Variants in WDFY4 observed in about 807,000 individuals in gnomAD.
WDFY4 encodes WDFY family member 4, also known as WD repeat- and FYVE domain-containing protein 4.
A neutral mutation model predicts 351.9 loss-of-function variants in WDFY4; 169 were observed. The observed-to-expected ratio is 0.48, with a 90% confidence interval of 0.42 to 0.55. The LOEUF is 0.55. WDFY4 is among the 20% of genes least tolerant of loss of function. The pLI is 0.00. For missense variants in WDFY4, 3,803 were observed against 3,935.6 expected, an observed-to-expected ratio of 0.97 and a Z score of 0.90; for synonymous variants, 1,622 against 1,574.6, an observed-to-expected ratio of 1.03 and a Z score of -0.71.
At position 48,723,482 on chromosome 10, in the gene WDFY4, A is replaced by G. The variant is rs1231622084; in HGVS notation, c.506A>G (p.Gln169Arg). The G allele has an allele frequency of 4.5e-6, 7 of 1,550,990 alleles. No homozygotes were observed. The African/African-American group carries it at 6.8e-5, about 15-fold the overall frequency. The change falls in exon 5 of 62, where the codon CAG (glutamine) becomes CGG (arginine). Residue 169 changes from glutamine (Q) to arginine (R), a missense_variant. Gln to Arg is a conservative substitution (Grantham distance 43). This residue lies in a region of WDFY4 where 488 missense variants were observed against 456.8 expected (regional missense o/e 1.07). Transcript: ENST00000325239. ...AESGLPALLLQCLYLFFVFPL... is the reference protein window; with the variant it reads ...AESGLPALLLRCLYLFFVFPL... The stretch of plus-strand genomic sequence containing the variant: ...TCTGGGCTTCCAGCCCTGCTCCTAC[A>G]GTGCCTTTACCTCTTCTTTGTCTTT...
chr10:48,816,092 A>T (rs1227824680), intron 31 of WDFY4, among the ~76,000 whole-genome samples: 1 of 152,070 alleles, frequency 6.6e-6, no homozygotes, highest in Admixed American at 6.6e-5. Context: ...TGTCTTCTTG[A>T]CCTAGTTTAG....
intron 20 of WDFY4, among the ~76,000 whole-genome samples, chr10:48,788,203 A>C (rs1332879003): frequency 2.0e-5 from 3 of 151,130 alleles, no homozygotes; most frequent in Non-Finnish European, 4.4e-5. Context: ...GATTTTTTGT[A>C]CTTTTAGTAG....
intron 54 of WDFY4, among the ~76,000 whole-genome samples, chr10:48,966,228 G>T (rs1356324282): frequency 2.0e-5 from 3 of 152,138 alleles, no homozygotes; most frequent in African/African-American, 7.2e-5. Flanking sequence ...TTCTTCTGGG[G>T]ACCAGGGGCT....
At position 48,958,958 on chromosome 10, in the gene WDFY4, G is replaced by A. The variant is rs923716360; in HGVS notation, c.8132-764G>A. On this transcript the variant is annotated intron_variant, in intron 52 of 61. Transcript: ENST00000325239. ...TTCTTGCAGGCCCTGGGGAGGTCAGGCAAGACTGTAGCTCACATTTATGGA... is the reference window on the plus strand; with the variant it reads ...TTCTTGCAGGCCCTGGGGAGGTCAGACAAGACTGTAGCTCACATTTATGGA... Among the ~76,000 whole-genome samples, 4 of 152,146 alleles carry A rather than the reference G, an allele frequency of 2.6e-5. No individual in the cohort carries two copies. The East Asian group carries it at 5.8e-4, about 22-fold the overall frequency.
At chr10:48,783,343 A>AT (rs548776115) in intron 19 of WDFY4, among the ~76,000 whole-genome samples, 114 of 152,158 alleles carry the variant, frequency 7.5e-4, no homozygotes, top group African/African-American at 2.6e-3. Flanking sequence ...TTTTATTTGT[A>AT]TTTTTTATTG....
chr10:48,867,303 A>C lies in WDFY4; in HGVS notation c.6702A>C (p.Gly2234=). Reference sequence around the variant, plus strand: ...GTATAGAGAACTACAGAAGAAGAGGACAAGAGCTATATGCATCTTTATACA... The same window carrying C: ...GTATAGAGAACTACAGAAGAAGAGGCCAAGAGCTATATGCATCTTTATACA... ...VSCIENYRRR[G]QELYASLYKD... The change falls in exon 40 of 62, where the codon GGA becomes GGC. Residue 2234 remains glycine, a synonymous_variant. Coordinates refer to ENST00000325239, the MANE Select transcript of WDFY4 (RefSeq NM_001394531.1). The C allele has an allele frequency of 6.7e-7, 1 of 1,502,728 alleles. No homozygotes were observed. The highest frequency in any genetic ancestry group is 8.9e-7 in the Non-Finnish European group (1 of 1,121,340). 93.1% of individuals were successfully genotyped at this position (1,502,728 alleles called of 1,614,324 possible).
At chr10:48,900,866 T>C (rs145934273) in intron 46 of WDFY4, among the ~76,000 whole-genome samples, 149 of 152,280 alleles carry the variant, frequency 9.8e-4, no homozygotes, top group African/African-American at 3.5e-3. Flanking sequence ...ACCATTAAAG[T>C]TATAGATCAG....
chr10:48,976,022 G>T (rs146979773), intron 58 of WDFY4, among the ~76,000 whole-genome samples: 7 of 152,178 alleles, frequency 4.6e-5, no homozygotes, highest in Non-Finnish European at 8.8e-5. Context: ...AGGACAAGTT[G>T]TCCTGCAGCC....
intron 24 of WDFY4, among the ~76,000 whole-genome samples, chr10:48,800,670 GTTT>G (rs2067038358): frequency 2.6e-5 from 3 of 115,264 alleles, no homozygotes; most frequent in African/African-American, 1.0e-4. Context: ...TTAGGTTTTG[GTTT>G]CTTTCTTTCT....
At chr10:48,783,359 G>A (rs945838901) in intron 19 of WDFY4, among the ~76,000 whole-genome samples, 1 of 151,670 alleles carries the variant, frequency 6.6e-6, no homozygotes, top group Non-Finnish European at 1.5e-5. Context: ...TATTGTTATA[G>A]CACTATTTTT....
At chr10:48,772,763 T>A (rs1247766633) in intron 13 of WDFY4, among the ~76,000 whole-genome samples, 1 of 149,692 alleles carries the variant, frequency 6.7e-6, no homozygotes, top group Non-Finnish European at 1.5e-5. Flanking sequence ...GATCTCATTG[T>A]TCAATTCCCA....
intron 39 of WDFY4, among the ~76,000 whole-genome samples, chr10:48,834,156 C>T (rs143033082): frequency 1.3e-5 from 2 of 152,228 alleles, no homozygotes; most frequent in East Asian, 3.9e-4. Flanking sequence ...TCAATAAGTT[C>T]ATTGATAGAC....
At chr10:48,770,230 A>G (rs17011188) in intron 13 of WDFY4, among the ~76,000 whole-genome samples, 6,422 of 152,320 alleles carry the variant, frequency 0.042, 473 homozygotes, top group African/African-American at 0.15. Flanking sequence ...TTGTGGCATC[A>G]TTAGACAAGA....
At chr10:48,738,586 C>T (rs1302925406) in intron 11 of WDFY4, among the ~76,000 whole-genome samples, 2 of 152,160 alleles carry the variant, frequency 1.3e-5, no homozygotes, top group Non-Finnish European at 2.9e-5. Context: ...AGGAATGGAA[C>T]CTCTTCCAGA....
rs1470006376 is a variant in WDFY4 at position 48,946,940 on chromosome 10, C to CCCTT, written c.7950_7953dup (p.Thr2652LeufsTer37). On this transcript the variant is annotated frameshift_variant, in exon 51 of 62. Transcript: ENST00000325239. LOFTEE classifies it high-confidence loss of function. Reference sequence around the variant, plus strand: ...GGCCTCCTACCTGGTCCGGATGCCACCCTTCACCCAGGCCTTCTGCGCTCT... The same window carrying CCCTT: ...GGCCTCCTACCTGGTCCGGATGCCACCCTTCCTTCACCCAGGCCTTCTGCGCTCT... 1 of 1,551,760 alleles carries CCCTT rather than the reference C, an allele frequency of 6.4e-7. No homozygotes were observed. Among genetic ancestry groups the CCCTT allele is most frequent in the Non-Finnish European group, 8.7e-7 (1 of 1,147,042 alleles).
intron 43 of WDFY4, among the ~76,000 whole-genome samples, chr10:48,888,464 A>T (rs949695366): frequency 1.3e-5 from 2 of 152,072 alleles, no homozygotes; most frequent in African/African-American, 4.8e-5. Context: ...CAGACCACTG[A>T]AATAGCAACA....
At position 48,780,075 on chromosome 10, in the gene WDFY4, A is replaced by T; in HGVS notation, c.3532A>T (p.Thr1178Ser). ...CACTAAGGAAATGAAAAGGCATTGT[A>T]CAGTTTCCACCTGTCTGGATGGACA... ...VVTKEMKRHC[T>S]VSTCLDGQVI... The change falls in exon 19 of 62, where the codon ACA becomes TCA. Residue 1178 changes from threonine to serine, a missense_variant. Thr to Ser is a moderately conservative substitution (Grantham distance 58). This residue lies in a region of WDFY4 where 3,054 missense variants were observed against 3,148.6 expected (regional missense o/e 0.97). Coordinates refer to ENST00000325239, the MANE Select transcript of WDFY4 (RefSeq NM_001394531.1). 2.6e-6 allele frequency: 4 copies of T among 1,552,022 alleles called. No homozygotes were observed. Among genetic ancestry groups the T allele is most frequent in the Non-Finnish European group, 3.5e-6 (4 of 1,147,042 alleles).
At chr10:48,812,614 A>C (rs1305436404) in intron 30 of WDFY4, among the ~76,000 whole-genome samples, 3 of 152,044 alleles carry the variant, frequency 2.0e-5, no homozygotes, top group Non-Finnish European at 4.4e-5. Context: ...CTCCTGACCA[A>C]ATGCTGCCTA....
At chr10:48,978,180 A>G (rs1210894691) in intron 59 of WDFY4, 129 bp from the exon 60 acceptor site, 5 of 855,626 alleles carry the variant, frequency 5.8e-6, no homozygotes, top group Non-Finnish European at 7.1e-6. Flanking sequence ...TAACATCAGA[A>G]GTGAAAGGGG....
Sources: gnomAD v4.1 joint callset for allele counts (sites outside exome capture counted in the v4.1 genomes callset) on GRCh38, gnomAD v4.1.1 for gene constraint, gnomAD v4.1.1 regional missense constraint, MANE v1.5 for transcripts, NCBI Gene and HGNC (gene_info 2026-07-23, HGNC 2026-07-21) for gene names.